TBL1XR1: variants seen among roughly 807,000 people sequenced by gnomAD.
TBL1XR1 encodes the protein TBL1X/Y related 1.
Under a neutral mutation model 66.9 loss-of-function variants are expected in TBL1XR1, and 5 were observed. That is an observed-to-expected ratio of 0.07 (90% CI 0.04 to 0.16). TBL1XR1 has a LOEUF of 0.16. Ranked by LOEUF, TBL1XR1 falls within the 10% of genes least tolerant of loss-of-function variation. The pLI, the probability that TBL1XR1 is intolerant of heterozygous loss-of-function variation, is 1.00. For missense variants in TBL1XR1, 238 were observed against 623.2 expected, an observed-to-expected ratio of 0.38 and a Z score of 6.58; for synonymous variants, 210 against 206.0, an observed-to-expected ratio of 1.02 and a Z score of -0.17.
chr3:177,114,285 T>C (rs1726018897), intron 1 of TBL1XR1, among the ~76,000 whole-genome samples: 1 of 151,524 alleles, frequency 6.6e-6, no homozygotes, highest in African/African-American at 2.4e-5. Flanking sequence ...ACACACATCA[T>C]ATATATGGAT....
intron 1 of TBL1XR1, among the ~76,000 whole-genome samples, chr3:177,187,166 C>CA (rs11369670): frequency 0.56 from 75,033 of 134,636 alleles, 20,593 homozygotes; most frequent in East Asian, 0.7. Flanking sequence ...GACTCTGTCT[C>CA]AAAAAAAAAA....
At chr3:177,133,844 C>T (rs980566538) in intron 1 of TBL1XR1, among the ~76,000 whole-genome samples, 6 of 136,420 alleles carry the variant, frequency 4.4e-5, no homozygotes, top group African/African-American at 1.6e-4. Context: ...CCACTGCACA[C>T]CAACCTGGGC....
chr3:177,171,316 A>C (rs1733465952), intron 1 of TBL1XR1: 2 of 151,652 alleles, frequency 1.3e-5, no homozygotes. Context: ...CTACAGCCTG[A>C]GCAACAAGAG....
At chr3:177,126,816 A>T (rs1485946279) in intron 1 of TBL1XR1, among the ~76,000 whole-genome samples, 1 of 1,816 alleles carries the variant, frequency 5.5e-4, no homozygotes, top group African/African-American at 3.2e-3. Context: ...ATTTTCAGCC[A>T]AAAAAAAAAA....
chr3:177,178,758 G>A (rs1734449878), intron 1 of TBL1XR1, among the ~76,000 whole-genome samples: 1 of 152,118 alleles, frequency 6.6e-6, no homozygotes, highest in South Asian at 2.1e-4. Flanking sequence ...AAAGGTTCCA[G>A]GATCAAACTG....
upstream of TBL1XR1, among the ~76,000 whole-genome samples, chr3:177,198,772 T>C (rs1737244465): frequency 6.6e-6 from 1 of 152,186 alleles, no homozygotes; most frequent in South Asian, 2.1e-4. Context: ...GGGTTCTGTT[T>C]TCCTACTTTC....
intron 1 of TBL1XR1, among the ~76,000 whole-genome samples, chr3:177,154,308 A>C (rs1731239748): frequency 1.3e-5 from 2 of 152,244 alleles, no homozygotes; most frequent in Non-Finnish European, 2.9e-5. Context: ...TTTCTTAATG[A>C]TAAAGTGGTT....
chr3:177,176,153 C>A (rs1186736922), intron 1 of TBL1XR1, among the ~76,000 whole-genome samples: 1 of 151,682 alleles, frequency 6.6e-6, no homozygotes, highest in African/African-American at 2.4e-5. Flanking sequence ...AAATAAAAAT[C>A]AATAAAATAA....
intron 1 of TBL1XR1, among the ~76,000 whole-genome samples, chr3:177,106,957 C>CA: frequency 6.6e-6 from 1 of 151,936 alleles, no homozygotes. Context: ...TTAATTACAA[C>CA]AGATTTGGAA....
intron 2 of TBL1XR1, among the ~76,000 whole-genome samples, chr3:177,088,880 C>T (rs1163332765): frequency 6.6e-6 from 1 of 152,090 alleles, no homozygotes; most frequent in South Asian, 2.1e-4. Flanking sequence ...TTAATAATAC[C>T]AGTTCCTAAT....
intron 1 of TBL1XR1, among the ~76,000 whole-genome samples, chr3:177,184,664 G>T (rs1735200616): frequency 6.6e-6 from 1 of 152,104 alleles, no homozygotes; most frequent in Non-Finnish European, 1.5e-5. Context: ...AGCCAGGTAT[G>T]GTGGCACATG....
At chr3:177,149,236 T>C (rs938342720) in intron 1 of TBL1XR1, among the ~76,000 whole-genome samples, 1 of 152,018 alleles carries the variant, frequency 6.6e-6, no homozygotes, top group Non-Finnish European at 1.5e-5. Flanking sequence ...TCAAACTGAG[T>C]GTCTAGTATT....
chr3:177,152,536 C>T (rs1364282862), intron 1 of TBL1XR1, among the ~76,000 whole-genome samples: 2 of 152,284 alleles, frequency 1.3e-5, no homozygotes, highest in Non-Finnish European at 2.9e-5. Context: ...CTGCCCGCCT[C>T]GGCCTCCCAA....
chr3:177,187,853 T>A (rs370124169), intron 1 of TBL1XR1, among the ~76,000 whole-genome samples: 1 of 138,914 alleles, frequency 7.2e-6, no homozygotes, highest in South Asian at 2.2e-4. Context: ...ATTAAAAAGT[T>A]AAAAAAAAAT....
intron 2 of TBL1XR1, among the ~76,000 whole-genome samples, chr3:177,066,074 T>C (rs1029860557): frequency 2.0e-5 from 3 of 152,160 alleles, no homozygotes; most frequent in African/African-American, 7.2e-5. Flanking sequence ...TTCACATCTA[T>C]TCAGCATAAA....
intron 1 of TBL1XR1, among the ~76,000 whole-genome samples, chr3:177,185,698 A>G (rs923414802): frequency 3.3e-5 from 5 of 152,038 alleles, no homozygotes; most frequent in Admixed American, 3.3e-4. Context: ...ATCAAACACC[A>G]AATCTAAATA....
chr3:177,135,359 ATATATATATATATATATATATATG>A (rs1217656170), intron 1 of TBL1XR1, among the ~76,000 whole-genome samples: 3,505 of 36,288 alleles, frequency 0.097, 269 homozygotes, highest in Admixed American at 0.14. Context: ...ATATATATAT[ATATATATATATATATATATATATG>A]TATGTATTTT....
intron 1 of TBL1XR1, among the ~76,000 whole-genome samples, chr3:177,117,844 A>G (rs1242119212): frequency 6.6e-6 from 1 of 152,220 alleles, no homozygotes; most frequent in East Asian, 1.9e-4. Flanking sequence ...AGTATTAAAG[A>G]GCAGAATGGG....
chr3:177,046,338 T>C (rs1716322739), intron 9 of TBL1XR1, 149 bp from the exon 10 acceptor site: 3 of 544,558 alleles, frequency 5.5e-6, no homozygotes, highest in Non-Finnish European at 9.3e-6. Context: ...CACAAGGCTA[T>C]ATACTTTGGG....
Sources: allele counts gnomAD v4.1 joint callset (sites outside exome capture counted in the v4.1 genomes callset), GRCh38; gene constraint gnomAD v4.1.1; transcripts MANE v1.5; gene names NCBI Gene and HGNC (gene_info 2026-07-23, HGNC 2026-07-21).